Variants in LSS observed in about 807,000 individuals in gnomAD.
The protein encoded by LSS is lanosterol synthase.
Under a neutral mutation model 110.3 loss-of-function variants are expected in LSS, and 90 were observed. That is an observed-to-expected ratio of 0.82 (90% CI 0.69 to 0.97). LSS has a LOEUF of 0.97. Among genes scored for constraint, LSS ranks in the 50% least tolerant of loss-of-function variants. LSS has a pLI of 0.00. For synonymous variants in LSS, 433 were observed against 400.0 expected, an observed-to-expected ratio of 1.08 and a Z score of -0.98; for missense variants, 927 against 990.0, an observed-to-expected ratio of 0.94 and a Z score of 0.85.
intron 10 of LSS, 30 bp from the exon 11 acceptor site, chr21:46,213,082 G>A: frequency 1.2e-6 from 2 of 1,611,670 alleles, no homozygotes; most frequent in Admixed American, 1.7e-5. Flanking sequence ...CAAGTCAGGT[G>A]CAAGGAGAAA....
At position 46,189,776 on chromosome 21, in the gene LSS, G is replaced by A. The variant is rs897123208; in HGVS notation, c.*1328C>T. ...GGAAGAGCAGATAAGGAGGTATAGG[G>A]TGTGCCCTGGGCAAGGCAGCAGGGG... On this transcript the variant is annotated 3_prime_UTR_variant, in exon 22 of 22. Transcript: ENST00000397728. The A allele has an allele frequency of 2.2e-5, 10 of 455,992 alleles. No individual in the cohort carries two copies. The highest frequency in any genetic ancestry group is 3.2e-4 in the Middle Eastern group (1 of 3,092). The allele number at this position is 455,992 out of a possible 1,614,324, so 28.2% of individuals were successfully genotyped here.
At chr21:46,191,327 C>T in intron 21 of LSS, 92 bp from the exon 22 acceptor site, 1 of 1,467,342 alleles carries the variant, frequency 6.8e-7, no homozygotes, top group Non-Finnish European at 9.5e-7. Context: ...GCTTGGCTGG[C>T]TTGTGGGTGA....
intron 3 of LSS, among the ~76,000 whole-genome samples, chr21:46,225,906 T>C (rs1411448897): frequency 1.3e-5 from 2 of 152,154 alleles, no homozygotes; most frequent in African/African-American, 4.8e-5. Context: ...GTCTTGGTGG[T>C]AGTGGTCCCC....
chr21:46,194,389 T>TCC, intron 20 of LSS, 102 bp downstream of exon 20: 1 of 1,392,842 alleles, frequency 7.2e-7, no homozygotes, highest in Non-Finnish European at 9.7e-7. Context: ...CCCACAGGCC[T>TCC]CCCCTCCTCT....
intron 15 of LSS, among the ~76,000 whole-genome samples, chr21:46,207,110 C>A: frequency 6.6e-6 from 1 of 152,244 alleles, no homozygotes; most frequent in Non-Finnish European, 1.5e-5. Flanking sequence ...CCAAAACCAA[C>A]ACCAACAAAT....
chr21:46,193,582 T>C (rs2079860833), intron 20 of LSS: 1 of 432,478 alleles, frequency 2.3e-6, no homozygotes, highest in South Asian at 1.6e-5. Context: ...CATCTGTACG[T>C]GTGTGTACAC....
chr21:46,212,583 C>T (rs943824753), intron 11 of LSS, among the ~76,000 whole-genome samples: 17 of 152,188 alleles, frequency 1.1e-4, no homozygotes, highest in African/African-American at 1.2e-4. Context: ...GCCAAGTCCA[C>T]GGGGAGCTCC....
intron 9 of LSS, among the ~76,000 whole-genome samples, chr21:46,214,822 T>TG (rs1007148442): frequency 1.3e-5 from 2 of 151,908 alleles, no homozygotes; most frequent in Non-Finnish European, 2.9e-5. Flanking sequence ...TGGCGAATGA[T>TG]GAACTGTTTG....
intron 17 of LSS, among the ~76,000 whole-genome samples, chr21:46,197,941 T>C (rs896696963): frequency 4.0e-5 from 6 of 151,764 alleles, no homozygotes; most frequent in East Asian, 1.9e-4. Context: ...GTCTTAAATA[T>C]AGACCAATAC....
At chr21:46,197,958 C>T (rs1170759537) in intron 17 of LSS, among the ~76,000 whole-genome samples, 1 of 151,800 alleles carries the variant, frequency 6.6e-6, no homozygotes, top group African/African-American at 2.4e-5. Context: ...ATACTAAGGT[C>T]GATCTCAGAA....
chr21:46,207,761 C>T (rs1444747076), intron 14 of LSS, among the ~76,000 whole-genome samples, 184 bp from the exon 15 acceptor site: 1 of 152,198 alleles, frequency 6.6e-6, no homozygotes, highest in African/African-American at 2.4e-5. Context: ...CTCCAGCTTC[C>T]AGCACAGGGA....
chr21:46,195,449 C>T (rs1172456828), intron 19 of LSS, among the ~76,000 whole-genome samples: 6 of 152,164 alleles, frequency 3.9e-5, no homozygotes, highest in Non-Finnish European at 8.8e-5. Context: ...GTGGCGTGCA[C>T]CTGTGATCCC....
rs559432672 is a variant in LSS at position 46,215,372 on chromosome 21, C to T, written c.893-74G>A. 1.5e-3 allele frequency: 1,552 copies of T among 1,050,890 alleles called. 2 individuals carry two copies. Among genetic ancestry groups the T allele is most frequent in the Non-Finnish European group, 1.8e-3 (1,302 of 707,444 alleles). 65.1% of individuals were successfully genotyped at this position (1,050,890 alleles called of 1,614,324 possible). ...CAGCCTGGAGCTCCATGCACTGCAACGCCTGGACTTGCCCTTCCCAGGGTT... is the reference window on the plus strand; with the variant it reads ...CAGCCTGGAGCTCCATGCACTGCAATGCCTGGACTTGCCCTTCCCAGGGTT... On this transcript the variant is annotated intron_variant, in intron 8 of 21. Coordinates refer to ENST00000397728, the MANE Select transcript of LSS (RefSeq NM_002340.6).
At chr21:46,195,346 C>T (rs1047902202) in intron 19 of LSS, among the ~76,000 whole-genome samples, 19 of 152,150 alleles carry the variant, frequency 1.2e-4, no homozygotes, top group African/African-American at 3.6e-4. Flanking sequence ...TTTGGAAGGC[C>T]GAGGTAGGAA....
In LSS at chr21:46,188,611, G is replaced by A. The variant is rs916094022; in HGVS notation, c.*2493C>T. 2.1e-6 allele frequency: 1 copy of A among 470,364 alleles called. No homozygotes were observed. The highest frequency in any genetic ancestry group is 4.4e-6 in the Non-Finnish European group (1 of 226,922). The allele number at this position is 470,364 out of a possible 1,614,324, so 29.1% of individuals were successfully genotyped here. ...CCTCCCAGCACCGAGAAGCCGACGG[G>A]GGAGGAACAGACTCCTCTGCATTGT... On this transcript the variant is annotated 3_prime_UTR_variant, in exon 22 of 22. Coordinates refer to ENST00000397728, the MANE Select transcript of LSS (RefSeq NM_002340.6).
Position 46,197,242 on chromosome 21 carries a change from A to G in LSS, c.1671-975T>C, listed in dbSNP as rs186591624. 4.3e-3 allele frequency among the ~76,000 whole-genome samples: 656 copies of G among 152,370 alleles called. 3 individuals are homozygous for G. Among genetic ancestry groups the G allele is most frequent in the Non-Finnish European group, 6.3e-3 (428 of 68,030 alleles). ...TACAGATATGGTGAGAAATGACAAGAAAGTTTTATGTATTACATTTGCAAA... is the reference window on the plus strand; with the variant it reads ...TACAGATATGGTGAGAAATGACAAGGAAGTTTTATGTATTACATTTGCAAA... On this transcript the variant is annotated intron_variant, in intron 17 of 21. Transcript: ENST00000397728.
chr21:46,219,657 G>T, intron 5 of LSS, 85 bp from the exon 6 acceptor site: 1 of 801,770 alleles, frequency 1.2e-6, no homozygotes, highest in Non-Finnish European at 1.9e-6. Flanking sequence ...TTCACCCTCT[G>T]GGAGTCACGT....
At position 46,215,719 on chromosome 21, in the gene LSS, G is replaced by A. The variant is rs541258281; in HGVS notation, c.858C>T (p.Tyr286=). 3.1e-6 allele frequency: 5 copies of A among 1,612,766 alleles called. No individual in the cohort carries two copies. Among genetic ancestry groups the A allele is most frequent in the East Asian group, 2.2e-5 (1 of 44,840 alleles). ...CGCGGAGCAGCCAGCTGTGCGGCGT[G>A]TACAGCTCGTCGGGGGCCACGTTGT... ...QRNNVAPDEL[Y]TPHSWLLRVV... is the part of the protein sequence containing the mutation. The change falls in exon 8 of 22, where the codon TAC becomes TAT. Residue 286 remains tyrosine, a synonymous_variant. Transcript: ENST00000397728.
At position 46,219,908 on chromosome 21, in the gene LSS, C is replaced by T. The variant is rs117853379; in HGVS notation, c.551-336G>A. Among the ~76,000 whole-genome samples the T allele has an allele frequency of 3.3e-4, 50 of 152,290 alleles. No individual in the cohort carries two copies. The East Asian group carries it at 7.9e-3, about 24-fold the overall frequency. On this transcript the variant is annotated intron_variant, in intron 5 of 21. Coordinates refer to ENST00000397728, the MANE Select transcript of LSS (RefSeq NM_002340.6). ...AGGGACACCTCAGTGCTCAGGTGAG[C>T]GAGGGGCCCAGGTGCACATGCGCCT...
Sources: allele counts gnomAD v4.1 joint callset (sites outside exome capture counted in the v4.1 genomes callset), GRCh38; gene constraint gnomAD v4.1.1; transcripts MANE v1.5; gene names NCBI Gene and HGNC (gene_info 2026-07-23, HGNC 2026-07-21).